The following RIMS2 variants were observed in gnomAD, a reference collection of about 807,000 sequenced individuals.
RIMS2 encodes regulating synaptic membrane exocytosis protein 2.
In RIMS2, 59 loss-of-function variants were observed where a neutral mutation model predicts 174.4. The observed-to-expected ratio is 0.34, with a 90% confidence interval of 0.27 to 0.42. The LOEUF (loss-of-function observed/expected upper bound fraction) is 0.42. Among genes scored for constraint, RIMS2 ranks in the 10% least tolerant of loss-of-function variants. The probability of loss-of-function intolerance (pLI) is 1.00; values close to 1 mark genes in which losing one functional copy is unlikely to be tolerated. For synonymous variants in RIMS2, 606 were observed against 572.5 expected, an observed-to-expected ratio of 1.06 and a Z score of -0.84; for missense variants, 1,620 against 1,666.3, an observed-to-expected ratio of 0.97 and a Z score of 0.48.
intron 10 of RIMS2, among the ~76,000 whole-genome samples, chr8:103,925,294 G>A (rs2078552423): frequency 6.6e-6 from 1 of 151,292 alleles, no homozygotes; most frequent in Non-Finnish European, 1.5e-5. Context: ...AATATCTTTT[G>A]ACTCCATTTT....
rs2096052324 is a variant in RIMS2 at position 103,635,395 on chromosome 8, C to G, written c.177-61691C>G. Reference sequence around the variant, plus strand: ...GCTCTGGTGGGGTGTGGTTGGAGGCCCAGGCCTGGATGACCCACCCAGTGA... The same window carrying G: ...GCTCTGGTGGGGTGTGGTTGGAGGCGCAGGCCTGGATGACCCACCCAGTGA... On this transcript the variant is annotated intron_variant, in intron 1 of 23. Transcript: ENST00000504942. Among the ~76,000 whole-genome samples, 2 of 152,116 alleles carry G rather than the reference C, an allele frequency of 1.3e-5. 1 individual carries two copies. The highest frequency in any genetic ancestry group is 4.1e-4 in the South Asian group (2 of 4,828).
intron 19 of RIMS2, among the ~76,000 whole-genome samples, chr8:104,044,613 T>C (rs1264421247): frequency 6.6e-6 from 1 of 151,754 alleles, no homozygotes; most frequent in Non-Finnish European, 1.5e-5. Context: ...AATATTAAGT[T>C]CTAAATTAAT....
chr8:103,540,739 A>G lies in RIMS2; in HGVS notation c.176+39677A>G, dbSNP rs138826990. 6.2e-3 allele frequency among the ~76,000 whole-genome samples: 940 copies of G among 152,344 alleles called. 12 individuals are homozygous for G. Among genetic ancestry groups the G allele is most frequent in the African/African-American group, 0.021 (890 of 41,586 alleles). On this transcript the variant is annotated intron_variant, in intron 1 of 23. Transcript: ENST00000504942. ...TTTTAAGGAATCTCAGCAAATGTCA[A>G]GAAATACAGAGAAACCATTCAACAA... is the stretch of plus-strand genomic sequence containing the variant.
intron 1 of RIMS2, among the ~76,000 whole-genome samples, chr8:103,643,317 G>T (rs2096266862): frequency 6.6e-6 from 1 of 151,856 alleles, no homozygotes; most frequent in Non-Finnish European, 1.5e-5. Context: ...CTTGCATGTT[G>T]TCTACGTTTT....
intron 3 of RIMS2, among the ~76,000 whole-genome samples, chr8:103,848,073 C>G (rs1173446493): frequency 6.6e-6 from 1 of 152,022 alleles, no homozygotes; most frequent in Admixed American, 6.6e-5. Context: ...TTCTTGTCCT[C>G]AATCTTCCAG....
chr8:103,790,700 G>T (rs565056409), intron 3 of RIMS2, among the ~76,000 whole-genome samples: 1 of 152,096 alleles, frequency 6.6e-6, no homozygotes, highest in East Asian at 1.9e-4. Context: ...GTGTTCAATG[G>T]CTATTTATAT....
intron 2 of RIMS2, among the ~76,000 whole-genome samples, chr8:103,710,397 G>A (rs1455639519): frequency 6.6e-6 from 1 of 152,060 alleles, no homozygotes; most frequent in African/African-American, 2.4e-5. Flanking sequence ...TGAAGGGCAG[G>A]ACATATGGAA....
chr8:103,766,563 C>G, intron 3 of RIMS2, 26 bp downstream of exon 6: 2 of 1,479,362 alleles, frequency 1.4e-6, no homozygotes, highest in South Asian at 1.2e-5. Context: ...AATCTTTAGG[C>G]AAATGTATTA....
chr8:103,774,101 C>G (rs2098283648), intron 3 of RIMS2, among the ~76,000 whole-genome samples: 1 of 152,144 alleles, frequency 6.6e-6, no homozygotes, highest in Non-Finnish European at 1.5e-5. Flanking sequence ...GAGATTGCAC[C>G]ACTGCACTCC....
At chr8:104,071,640 G>C (rs1482203064) in intron 19 of RIMS2, among the ~76,000 whole-genome samples, 2 of 152,144 alleles carry the variant, frequency 1.3e-5, no homozygotes, top group Non-Finnish European at 2.9e-5. Context: ...GTTTCACCGT[G>C]TTAGCCAGGA....
intron 2 of RIMS2, among the ~76,000 whole-genome samples, chr8:103,751,657 T>C (rs1345958319): frequency 6.6e-6 from 1 of 151,592 alleles, no homozygotes; most frequent in Non-Finnish European, 1.5e-5. Flanking sequence ...TGTGAGATGA[T>C]ATCTCATTGT....
rs1426537393 is a variant in RIMS2, at chr8:103,603,922, C to A, written c.177-93164C>A. 7.3e-4 allele frequency among the ~76,000 whole-genome samples: 107 copies of A among 145,864 alleles called. 1 individual carries two copies. The highest frequency in any genetic ancestry group is 3.6e-3 in the Middle Eastern group (1 of 280). ...AGCCCTTTGTCAGATGAGTAGGTTGCGAAAATTTTCTCCCATTTTGTAGGT... is the reference window on the plus strand; with the variant it reads ...AGCCCTTTGTCAGATGAGTAGGTTGAGAAAATTTTCTCCCATTTTGTAGGT... On this transcript the variant is annotated intron_variant, in intron 1 of 23. Coordinates refer to ENST00000504942, the Ensembl canonical transcript of RIMS2.
chr8:103,757,615 A>G (rs1381738030), intron 2 of RIMS2, among the ~76,000 whole-genome samples: 1 of 152,172 alleles, frequency 6.6e-6, no homozygotes, highest in Non-Finnish European at 1.5e-5. Context: ...TAATTCCTGA[A>G]ACCTATGAAT....
intron 19 of RIMS2, chr8:104,223,444 C>T: frequency 7.3e-7 from 1 of 1,369,878 alleles, no homozygotes; most frequent in Non-Finnish European, 9.4e-7. Flanking sequence ...CTCCTCTGGA[C>T]CCCTCTCCAA....
chr8:104,170,831 T>C (rs1423231841), intron 19 of RIMS2, among the ~76,000 whole-genome samples: 4 of 152,112 alleles, frequency 2.6e-5, no homozygotes, highest in Non-Finnish European at 4.4e-5. Flanking sequence ...CCTCTTAGCA[T>C]TTCTTGTCGT....
intron 2 of RIMS2, among the ~76,000 whole-genome samples, chr8:103,740,095 G>A (rs1035797552): frequency 6.6e-5 from 10 of 152,118 alleles, no homozygotes; most frequent in African/African-American, 2.4e-4. Flanking sequence ...GATAAGCATT[G>A]TTTTATGCCA....
At chr8:104,056,366 TG>T (rs1478137480) in intron 19 of RIMS2, among the ~76,000 whole-genome samples, 1 of 151,408 alleles carries the variant, frequency 6.6e-6, no homozygotes, top group Non-Finnish European at 1.5e-5. Flanking sequence ...ATCACGCCAT[TG>T]CACCCCAGCC....
At chr8:104,213,305 C>T (rs1052171375) in intron 19 of RIMS2, among the ~76,000 whole-genome samples, 12 of 152,140 alleles carry the variant, frequency 7.9e-5, no homozygotes, top group East Asian at 1.9e-4. Flanking sequence ...AGCAAGATCC[C>T]GTCTCAAAAA....
chr8:103,545,130 A>G (rs563367811), intron 1 of RIMS2, among the ~76,000 whole-genome samples: 2 of 152,350 alleles, frequency 1.3e-5, no homozygotes, highest in African/African-American at 4.8e-5. Flanking sequence ...ACTCAATCCA[A>G]AGAATCTAGG....
Sources: gnomAD v4.1 joint callset for allele counts (sites outside exome capture counted in the v4.1 genomes callset) on GRCh38, gnomAD v4.1.1 for gene constraint, MANE v1.5 for transcripts, NCBI Gene and HGNC (gene_info 2026-07-23, HGNC 2026-07-21) for gene names.